The following RORA variants were observed in gnomAD, a reference collection of about 807,000 sequenced individuals.
RORA encodes the protein nuclear receptor ROR-alpha.
In RORA, 7 loss-of-function variants were observed where a neutral mutation model predicts 69.5. The observed-to-expected ratio is 0.10, with a 90% CI of 0.06 to 0.19. The LOEUF (loss-of-function observed/expected upper bound fraction) is 0.19. Ranked by LOEUF, RORA falls within the 10% of genes least tolerant of loss-of-function variation. The pLI, the probability that RORA is intolerant of heterozygous loss-of-function variation, is 1.00. For missense variants in RORA, 457 were observed against 663.0 expected (o/e 0.69, Z 3.41); for synonymous variants, 261 against 240.8 (o/e 1.08, Z -0.78).
intron 1 of RORA, among the ~76,000 whole-genome samples, chr15:61,037,808 G>T (rs1896535294): frequency 6.6e-6 from 1 of 152,156 alleles, no homozygotes; most frequent in African/African-American, 2.4e-5. Flanking sequence ...ATAGAAGATG[G>T]AAGAAGGCCA....
At chr15:60,713,167 G>A (rs1596147256) in intron 1 of RORA, among the ~76,000 whole-genome samples, 1 of 152,276 alleles carries the variant, frequency 6.6e-6, no homozygotes, top group East Asian at 1.9e-4. Context: ...GAAAACAAAT[G>A]TCATAAAGCC....
chr15:60,536,995 A>T (rs1300593276), intron 2 of RORA, among the ~76,000 whole-genome samples: 2 of 152,256 alleles, frequency 1.3e-5, no homozygotes, highest in Non-Finnish European at 2.9e-5. Context: ...ACCAATAAAG[A>T]TTAAAAAGAA....
At position 61,131,853 on chromosome 15, in the gene RORA, C is replaced by CT. The variant is rs997354364; in HGVS notation, c.166+97199dup. Among the ~76,000 whole-genome samples the CT allele has an allele frequency of 6.6e-6, 1 of 152,120 alleles. No homozygotes were observed. The highest frequency in any genetic ancestry group is 6.6e-5 in the Admixed American group (1 of 15,266). On this transcript the variant is annotated intron_variant, in intron 1 of 10. Coordinates refer to ENST00000335670, the MANE Select transcript of RORA (RefSeq NM_134261.3). The surrounding 1 kb of genome is among the most constrained non-coding windows in gnomAD (Gnocchi z 4.2). The stretch of plus-strand genomic sequence containing the variant: ...TGTAACTCTAAGCAAGTCATTTCTC[C>CT]TTTTTTTGGTAAAATTTCATACTTG...
chr15:60,999,339 G>A (rs1566938623), intron 1 of RORA, among the ~76,000 whole-genome samples: 1 of 152,186 alleles, frequency 6.6e-6, no homozygotes, highest in South Asian at 2.1e-4. Flanking sequence ...CAGTGACAGG[G>A]AGCTCACTCC....
At chr15:60,678,570 T>TTGAAGGGTCAC in intron 2 of RORA, 87 bp downstream of exon 2, 1 of 988,498 alleles carries the variant, frequency 1.0e-6, no homozygotes, top group Non-Finnish European at 1.6e-6. Context: ...GAAACATTAG[T>TTGAAGGGTCAC]ATATACTTGA....
chr15:60,579,992 A>G (rs1451919228), intron 2 of RORA, among the ~76,000 whole-genome samples: 2 of 152,206 alleles, frequency 1.3e-5, no homozygotes, highest in South Asian at 2.1e-4. Flanking sequence ...CTATTTTTCA[A>G]TAGCACTTAA....
intron 1 of RORA, among the ~76,000 whole-genome samples, chr15:60,726,920 A>T (rs2071364921): frequency 6.6e-6 from 1 of 152,210 alleles, no homozygotes; most frequent in South Asian, 2.1e-4. Flanking sequence ...CAATAGAAAG[A>T]ACACTAATTA....
intron 1 of RORA, among the ~76,000 whole-genome samples, chr15:60,745,646 C>CATCT (rs1385741266): frequency 6.6e-6 from 1 of 152,250 alleles, no homozygotes; most frequent in African/African-American, 2.4e-5. Context: ...CGCCTCAACA[C>CATCT]ATCTGTCTTG....
intron 3 of RORA, chr15:60,528,055 T>G (rs1309518405): frequency 6.6e-6 from 1 of 152,460 alleles, no homozygotes; most frequent in African/African-American, 2.4e-5. Flanking sequence ...GATATGTGCT[T>G]CTTTTTTCTT....
chr15:60,668,068 A>C (rs778024805), intron 2 of RORA, among the ~76,000 whole-genome samples: 26 of 152,200 alleles, frequency 1.7e-4, no homozygotes, highest in Admixed American at 3.9e-4. Context: ...TGATAGAGTC[A>C]GGGGCAGAGT....
intron 1 of RORA, among the ~76,000 whole-genome samples, chr15:60,825,708 C>T (rs1456046948): frequency 6.6e-6 from 1 of 152,170 alleles, no homozygotes; most frequent in Non-Finnish European, 1.5e-5. Context: ...CCTGACTCTC[C>T]CAGAACCTCC....
intron 1 of RORA, among the ~76,000 whole-genome samples, chr15:60,903,951 T>C (rs929022731): frequency 9.2e-5 from 14 of 152,352 alleles, no homozygotes; most frequent in African/African-American, 3.4e-4. Flanking sequence ...GTATCTTGTT[T>C]GCTTTACAAA....
At chr15:60,847,212 C>T (rs1049804872) in intron 1 of RORA, among the ~76,000 whole-genome samples, 2 of 151,800 alleles carry the variant, frequency 1.3e-5, no homozygotes, top group African/African-American at 4.8e-5. Flanking sequence ...AAAAATCGGG[C>T]TTTGGCTGAA....
chr15:60,556,340 G>A (rs1426637670), intron 2 of RORA, among the ~76,000 whole-genome samples: 1 of 152,124 alleles, frequency 6.6e-6, no homozygotes, highest in Non-Finnish European at 1.5e-5. Context: ...GCTGTGCAAA[G>A]TTTCATAAAT....
intron 1 of RORA, among the ~76,000 whole-genome samples, chr15:61,077,429 G>C (rs2078469514): frequency 6.6e-6 from 1 of 152,152 alleles, no homozygotes; most frequent in Admixed American, 6.5e-5. Flanking sequence ...TACATCTTCA[G>C]AAACTTGAAG....
At position 60,757,336 on chromosome 15, in the gene RORA, A is replaced by C. The variant is rs186905225; in HGVS notation, c.167-78650T>G. Among the ~76,000 whole-genome samples, 14 of 152,256 alleles carry C rather than the reference A, an allele frequency of 9.2e-5. No individual in the cohort carries two copies. The East Asian group carries it at 1.7e-3, about 19-fold the overall frequency. On this transcript the variant is annotated intron_variant, in intron 1 of 10. Transcript: ENST00000335670. Reference sequence around the variant, plus strand: ...ATTATCAGGTCTCTCTATTCTACACAGCCAGCCAACCAGCTATACACAGGT... The same window carrying C: ...ATTATCAGGTCTCTCTATTCTACACCGCCAGCCAACCAGCTATACACAGGT...
chr15:60,570,641 C>T (rs916122436), intron 2 of RORA, among the ~76,000 whole-genome samples: 1 of 152,144 alleles, frequency 6.6e-6, no homozygotes, highest in Non-Finnish European at 1.5e-5. Flanking sequence ...TGAGCTACTG[C>T]GCCTGGCCCA....
At chr15:60,965,591 G>A (rs1036483730) in intron 1 of RORA, among the ~76,000 whole-genome samples, 1 of 152,162 alleles carries the variant, frequency 6.6e-6, no homozygotes, top group African/African-American at 2.4e-5. Flanking sequence ...TTACATCTTT[G>A]TAAAACAAGA....
chr15:61,142,538 A>T (rs1567009035), intron 1 of RORA, among the ~76,000 whole-genome samples: 1 of 100,814 alleles, frequency 9.9e-6, no homozygotes, highest in Non-Finnish European at 2.5e-5. Flanking sequence ...CTGATTTCAA[A>T]CCTGACAAAA....
Sources: gnomAD v4.1 joint callset for allele counts (sites outside exome capture counted in the v4.1 genomes callset) on GRCh38, gnomAD v4.1.1 for gene constraint, Gnocchi (gnomAD v3.1) non-coding constraint, MANE v1.5 for transcripts, NCBI Gene and HGNC (gene_info 2026-07-23, HGNC 2026-07-21) for gene names.